The following ARK2N variants were observed in gnomAD, a reference collection of about 807,000 sequenced individuals.
ARK2N encodes protein ARK2N.
chr18:46,239,974 GATACAAGT>G, the ARK2N span: 1 of 1,600,140 alleles, frequency 6.2e-7, no homozygotes, highest in Non-Finnish European at 8.6e-7. Flanking sequence ...CCACACGTTA[GATACAAGT>G]ATACATTTTC....
the ARK2N span, among the ~76,000 whole-genome samples, chr18:46,184,609 C>T: frequency 6.6e-6 from 1 of 152,140 alleles, no homozygotes; most frequent in Non-Finnish European, 1.5e-5. Context: ...GTAGTCCCAG[C>T]TACTCAGGAA....
chr18:46,198,663 A>G, the ARK2N span, among the ~76,000 whole-genome samples: 1 of 151,720 alleles, frequency 6.6e-6, no homozygotes, highest in Non-Finnish European at 1.5e-5. Flanking sequence ...GCAGTGGTGC[A>G]TCTCGGCTCA....
At chr18:46,186,812 TTTG>T in the ARK2N span, among the ~76,000 whole-genome samples, 1 of 144,680 alleles carries the variant, frequency 6.9e-6, no homozygotes, top group South Asian at 2.2e-4. Context: ...CCGGCCGAAT[TTTG>T]TTTTTTTAAC....
the ARK2N span, among the ~76,000 whole-genome samples, chr18:46,207,581 G>A: frequency 6.6e-6 from 1 of 151,794 alleles, no homozygotes; most frequent in Admixed American, 6.6e-5. Context: ...GTAGAGACAG[G>A]GTTTCACCAT....
At chr18:46,189,457 T>A in the ARK2N span, among the ~76,000 whole-genome samples, 2,528 of 152,056 alleles carry the variant, frequency 0.017, 62 homozygotes, top group African/African-American at 0.05. Flanking sequence ...AACTTTTTTT[T>A]AAAAAAAATT....
chr18:46,185,751 C>G, the ARK2N span, among the ~76,000 whole-genome samples: 2 of 152,174 alleles, frequency 1.3e-5, no homozygotes, highest in African/African-American at 2.4e-5. Flanking sequence ...CTTTGTGAGG[C>G]CTAGGCGGGC....
chr18:46,201,468 T>A, the ARK2N span, among the ~76,000 whole-genome samples: 10 of 152,196 alleles, frequency 6.6e-5, no homozygotes, highest in South Asian at 2.1e-3. Context: ...TTGGTTAAAT[T>A]TATGTGGTGG....
At chr18:46,217,453 G>A in the ARK2N span, 1 of 152,172 alleles carries the variant, frequency 6.6e-6, no homozygotes, top group African/African-American at 2.4e-5. Context: ...CATTGAATAG[G>A]TCATGGCAGT....
chr18:46,248,954 T>C, the ARK2N span, among the ~76,000 whole-genome samples: 2 of 152,192 alleles, frequency 1.3e-5, no homozygotes, highest in African/African-American at 2.4e-5. Flanking sequence ...CATCCCTTTA[T>C]CAGTCCTCTC....
the ARK2N span, chr18:46,217,955 C>T: frequency 6.6e-6 from 1 of 151,956 alleles, no homozygotes; most frequent in Non-Finnish European, 1.5e-5. Context: ...TTAAAAAAAC[C>T]TTATTAATAC....
At chr18:46,208,767 C>G in the ARK2N span, among the ~76,000 whole-genome samples, 1 of 152,062 alleles carries the variant, frequency 6.6e-6, no homozygotes, top group African/African-American at 2.4e-5. Flanking sequence ...ATGCCCGGCT[C>G]TGTTCTTAAA....
chr18:46,225,521 C>T, the ARK2N span, among the ~76,000 whole-genome samples: 10 of 152,228 alleles, frequency 6.6e-5, no homozygotes, highest in African/African-American at 1.2e-4. Context: ...TGCAATGGCG[C>T]GATCTCGGCC....
chr18:46,194,080 A>C, the ARK2N span, among the ~76,000 whole-genome samples: 43 of 151,716 alleles, frequency 2.8e-4, no homozygotes, highest in African/African-American at 9.7e-4. Context: ...GCCACATCCA[A>C]CTCCTGGGCT....
chr18:46,234,860 A>T, the ARK2N span, among the ~76,000 whole-genome samples: 1 of 152,056 alleles, frequency 6.6e-6, no homozygotes, highest in African/African-American at 2.4e-5. Context: ...TCTCTTAGTG[A>T]GGAGATTGGC....
the ARK2N span, chr18:46,232,801 A>G: frequency 6.6e-6 from 1 of 152,326 alleles, no homozygotes; most frequent in Non-Finnish European, 1.5e-5. Flanking sequence ...ATTAAGTCTT[A>G]TTCCTAATAT....
chr18:46,244,513 C>T, the ARK2N span, among the ~76,000 whole-genome samples: 1 of 150,714 alleles, frequency 6.6e-6, no homozygotes, highest in Non-Finnish European at 1.5e-5. Flanking sequence ...ACCAGAATGG[C>T]CATGTTTCAG....
At chr18:46,194,865 G>A in the ARK2N span, among the ~76,000 whole-genome samples, 1 of 144,606 alleles carries the variant, frequency 6.9e-6, no homozygotes, top group Non-Finnish European at 1.5e-5. Context: ...GTACAGTGGT[G>A]TGATCTTGAC....
At chr18:46,241,604 G>T in the ARK2N span, among the ~76,000 whole-genome samples, 1 of 150,986 alleles carries the variant, frequency 6.6e-6, no homozygotes, top group Admixed American at 6.6e-5. Context: ...GGTGGTGGGC[G>T]TGGTGGTGGG....
At chr18:46,210,010 AACTTGCCTTT>A in the ARK2N span, among the ~76,000 whole-genome samples, 2 of 152,196 alleles carry the variant, frequency 1.3e-5, no homozygotes, top group African/African-American at 2.4e-5. Context: ...GATAAATCTC[AACTTGCCTTT>A]ACCCATCCTC....
Sources: gnomAD v4.1 joint callset for allele counts (sites outside exome capture counted in the v4.1 genomes callset) on GRCh38, gnomAD v4.1.1 for gene constraint, MANE v1.5 for transcripts, NCBI Gene and HGNC (gene_info 2026-07-23, HGNC 2026-07-21) for gene names.